The following ADAP2 variants were observed in gnomAD, a reference collection of about 807,000 sequenced individuals.
ADAP2 encodes arf-GAP with dual PH domain-containing protein 2.
Under a neutral mutation model 54.9 loss-of-function variants are expected in ADAP2, and 42 were observed. That is an observed-to-expected ratio of 0.77 (90% CI 0.60 to 0.99). ADAP2 has a LOEUF of 0.99. Among genes scored for constraint, ADAP2 ranks in the 50% least tolerant of loss-of-function variants. The pLI is 0.00. For synonymous variants in ADAP2, 177 were observed against 180.1 expected (o/e 0.98, Z 0.14); for missense variants, 429 against 480.4 (o/e 0.89, Z 1.00).
chr17:30,950,640 A>G (rs149932194), intron 7 of ADAP2, among the ~76,000 whole-genome samples: 12 of 152,310 alleles, frequency 7.9e-5, no homozygotes, highest in African/African-American at 2.9e-4. Context: ...GAAAGCCTAA[A>G]TGCTCCTTAA....
chr17:30,946,738 C>T (rs540305701), intron 6 of ADAP2, among the ~76,000 whole-genome samples: 3 of 152,244 alleles, frequency 2.0e-5, no homozygotes, highest in African/African-American at 7.2e-5. Context: ...ATTTCTTAAT[C>T]CTGAAAACAA....
chr17:30,930,396 A>T (rs932350861), intron 3 of ADAP2, among the ~76,000 whole-genome samples: 11 of 152,100 alleles, frequency 7.2e-5, no homozygotes. Context: ...AACCAGCATT[A>T]AAAAAAGAGG....
chr17:30,955,992 T>C (rs1905038456), intron 9 of ADAP2, among the ~76,000 whole-genome samples: 1 of 152,218 alleles, frequency 6.6e-6, no homozygotes, highest in African/African-American at 2.4e-5. Flanking sequence ...GGCAATCCTC[T>C]GCCTTGGCTT....
chr17:30,936,245 A>G (rs1246563374), intron 5 of ADAP2, among the ~76,000 whole-genome samples: 1 of 151,886 alleles, frequency 6.6e-6, no homozygotes, highest in Non-Finnish European at 1.5e-5. Context: ...ACCTTAAATT[A>G]CTGGCCTCAA....
intron 5 of ADAP2, among the ~76,000 whole-genome samples, chr17:30,936,429 C>T (rs1218566727): frequency 2.0e-5 from 3 of 152,098 alleles, no homozygotes; most frequent in Non-Finnish European, 4.4e-5. Flanking sequence ...TCCCAAAGTA[C>T]TAGGATTATA....
chr17:30,938,710 A>C (rs915036090), intron 5 of ADAP2, among the ~76,000 whole-genome samples: 1 of 152,232 alleles, frequency 6.6e-6, no homozygotes, highest in South Asian at 2.1e-4. Flanking sequence ...GAATTATTAT[A>C]TATTCCCCCT....
intron 5 of ADAP2, 44 bp from the exon 6 acceptor site, chr17:30,944,863 C>T (rs759546148): frequency 6.3e-7 from 1 of 1,599,046 alleles, no homozygotes; most frequent in South Asian, 1.1e-5. Context: ...CCAGAAGTCA[C>T]CCTGTGGACT....
chr17:30,951,454 A>C (rs1904622012), intron 7 of ADAP2, among the ~76,000 whole-genome samples: 2 of 152,004 alleles, frequency 1.3e-5, no homozygotes, highest in Non-Finnish European at 2.9e-5. Flanking sequence ...GTATTTTAAG[A>C]GAAGGGGAGT....
intron 7 of ADAP2, among the ~76,000 whole-genome samples, chr17:30,951,800 C>T (rs764306961): frequency 5.3e-5 from 8 of 151,734 alleles, no homozygotes; most frequent in Non-Finnish European, 7.4e-5. Context: ...GGACTACAGG[C>T]GCTCGCCACT....
At chr17:30,926,150 A>G (rs1370386965) in intron 2 of ADAP2, among the ~76,000 whole-genome samples, 3 of 152,204 alleles carry the variant, frequency 2.0e-5, no homozygotes, top group Non-Finnish European at 4.4e-5. Flanking sequence ...CGGCCCCTGC[A>G]GAGGAGAAGA....
chr17:30,930,044 C>CTTTATTTA (rs1567715529), intron 3 of ADAP2, among the ~76,000 whole-genome samples: 1 of 118,580 alleles, frequency 8.4e-6, no homozygotes, highest in East Asian at 2.3e-4. Context: ...GCGACAGAAA[C>CTTTATTTA]CTTATTTATT....
chr17:30,932,052 C>T (rs1374328627), intron 4 of ADAP2, 84 bp downstream of exon 4: 5 of 1,331,544 alleles, frequency 3.8e-6, no homozygotes, highest in African/African-American at 2.9e-5. Context: ...GGAGCAAGAT[C>T]CATCCAAGAG....
intron 2 of ADAP2, 121 bp from the exon 3 acceptor site, chr17:30,926,706 C>G: frequency 1.2e-6 from 1 of 810,442 alleles, no homozygotes; most frequent in Admixed American, 2.1e-5. Context: ...TGACCAAGCC[C>G]GGTGGGACAT....
At chr17:30,924,370 C>CA (rs796527911) in intron 2 of ADAP2, among the ~76,000 whole-genome samples, 1,368 of 130,888 alleles carry the variant, frequency 0.01, 7 homozygotes, top group African/African-American at 0.025. Context: ...GACCCTACCT[C>CA]AAAAAAAAAA....
At chr17:30,922,709 C>G (rs1910725467) in intron 1 of ADAP2, among the ~76,000 whole-genome samples, 1 of 152,246 alleles carries the variant, frequency 6.6e-6, no homozygotes, top group Non-Finnish European at 1.5e-5. Flanking sequence ...AGTCCCTTCA[C>G]TTCCACGTCG....
intron 5 of ADAP2, among the ~76,000 whole-genome samples, chr17:30,939,902 C>T (rs958466220): frequency 6.6e-6 from 1 of 152,108 alleles, no homozygotes; most frequent in African/African-American, 2.4e-5. Flanking sequence ...TAGTCCATCC[C>T]CTAGCAATTG....
chr17:30,957,912 C>A lies in ADAP2; in HGVS notation c.*43C>A, dbSNP rs139781711. ...TGGCTGCCACTGAACACCTGGAACT[C>A]CTTGTGGGAAGAAGTTTGCACCTCG... On this transcript the variant is annotated 3_prime_UTR_variant, in exon 11 of 11. Coordinates refer to ENST00000330889, the MANE Select transcript of ADAP2 (RefSeq NM_018404.3). The A allele has an allele frequency of 6.4e-4, 1,024 of 1,601,004 alleles. 11 individuals carry two copies. The East Asian group carries it at 0.02, about 31-fold the overall frequency.
rs138108509 is a variant in ADAP2, at chr17:30,923,478, T to A, written c.225+408T>A. On this transcript the variant is annotated intron_variant, in intron 2 of 10. Transcript: ENST00000330889. ...CGGGGTTTCACCATGTTGGTCACGC[T>A]GGTCTCGAACTCCTGACCTCAGGCG... Among the ~76,000 whole-genome samples the A allele has an allele frequency of 6.4e-3, 965 of 151,812 alleles. 12 individuals carry two copies. The highest frequency in any genetic ancestry group is 0.022 in the African/African-American group (920 of 41,390).
chr17:30,935,229 G>A (rs528990420), intron 5 of ADAP2, among the ~76,000 whole-genome samples: 1 of 152,036 alleles, frequency 6.6e-6, no homozygotes, highest in South Asian at 2.1e-4. Context: ...TTAGCTGGGC[G>A]TGGTGGTGCA....
Sources: gnomAD v4.1 joint callset for allele counts (sites outside exome capture counted in the v4.1 genomes callset) on GRCh38, gnomAD v4.1.1 for gene constraint, MANE v1.5 for transcripts, NCBI Gene and HGNC (gene_info 2026-07-23, HGNC 2026-07-21) for gene names.